Variants in ACACA observed in about 807,000 individuals in gnomAD.
ACACA encodes the protein acetyl-CoA carboxylase alpha, also known as acetyl-CoA carboxylase 1.
Under a neutral mutation model 296.1 loss-of-function variants are expected in ACACA, and 103 were observed. The observed-to-expected ratio is 0.35, with a 90% confidence interval of 0.30 to 0.41. ACACA has a LOEUF of 0.41. ACACA is among the 10% of genes least tolerant of loss of function. The pLI, the probability that ACACA is intolerant of heterozygous loss-of-function variation, is 1.00. For synonymous variants in ACACA, 953 were observed against 1,038.6 expected (o/e 0.92, Z 1.58); for missense variants, 1,554 against 2,989.7 (o/e 0.52, Z 11.20).
chr17:37,391,050 C>T (rs1051223412), intron 1 of ACACA, among the ~76,000 whole-genome samples: 2 of 151,886 alleles, frequency 1.3e-5, no homozygotes, highest in African/African-American at 2.4e-5. Flanking sequence ...ACCAGCCTGA[C>T]CAACAAGGTG....
chr17:37,109,976 T>C (rs985303335), intron 52 of ACACA, among the ~76,000 whole-genome samples: 1 of 152,108 alleles, frequency 6.6e-6, no homozygotes, highest in Non-Finnish European at 1.5e-5. Flanking sequence ...TGCGGCTTGT[T>C]TGTGGCAAAT....
rs1340922159 is a variant in ACACA, at chr17:37,331,100, T to TTTAA, written c.86-676_86-675insTTAA. 1.5e-4 allele frequency among the ~76,000 whole-genome samples: 22 copies of TTTAA among 141,994 alleles called. No homozygotes were observed. In the East Asian group the frequency reaches 3.8e-3, roughly 24 times the overall value. The allele number at this position is 141,994 out of a possible 152,430, so 93.2% of individuals were successfully genotyped here. ...TAATTCTATTTTTATTTTTCATTTATTTATTTATTTATTTATTTATTTATT... is the reference window on the plus strand; with the variant it reads ...TAATTCTATTTTTATTTTTCATTTATTTAATTATTTATTTATTTATTTATTTATT... On this transcript the variant is annotated intron_variant, in intron 2 of 55. Transcript: ENST00000616317.
chr17:37,244,081 G>A (rs946670536), intron 21 of ACACA, among the ~76,000 whole-genome samples: 10 of 151,988 alleles, frequency 6.6e-5, no homozygotes, highest in Admixed American at 1.3e-4. Context: ...GACTAATCAC[G>A]GGCGGGCACA....
chr17:37,181,075 G>T, intron 40 of ACACA, 126 bp downstream of exon 40: 1 of 1,013,936 alleles, frequency 9.9e-7, no homozygotes, highest in Non-Finnish European at 1.5e-6. Context: ...AAATAGAAAT[G>T]AAAACAGTGT....
chr17:37,164,947 T>G (rs1299652027), intron 41 of ACACA, among the ~76,000 whole-genome samples: 1 of 152,186 alleles, frequency 6.6e-6, no homozygotes, highest in Non-Finnish European at 1.5e-5. Context: ...TTATCTTTCA[T>G]TACTACCTGG....
chr17:37,141,191 A>T (rs1567712827), intron 45 of ACACA: 9 of 552,108 alleles, frequency 1.6e-5, no homozygotes, highest in Non-Finnish European at 2.4e-5. Flanking sequence ...GTCCCCACGA[A>T]AAAGTTAGTG....
chr17:37,388,625 C>G (rs2050654112), intron 1 of ACACA: 6 of 1,584,926 alleles, frequency 3.8e-6, no homozygotes, highest in Non-Finnish European at 5.2e-6. Context: ...TCTTTCCTCT[C>G]TCAAATTTTC....
Position 37,206,789 on chromosome 17 carries a change from C to G in ACACA, c.3942G>C (p.Glu1314Asp), listed in dbSNP as rs1309246891. Residue 1314 changes from glutamate (E) to aspartate (D), a missense_variant, in exon 32 of 56, where the codon GAG (glutamate) becomes GAC (aspartate). Glu to Asp is a conservative substitution (Grantham distance 45, BLOSUM62 2). Transcript: ENST00000616317. Reference sequence around the variant, plus strand: ...CCCAAAAGGGACATTATACCTTATCCTCATCATAAAGAGACGTGTGACCTG... The same window carrying G: ...CCCAAAAGGGACATTATACCTTATCGTCATCATAAAGAGACGTGTGACCTG... ...PEAGHTSLYD[E>D]DKVPRDEPIH... 6.2e-7 allele frequency: 1 copy of G among 1,607,596 alleles called. No homozygotes were observed. Among genetic ancestry groups the G allele is most frequent in the Non-Finnish European group, 8.5e-7 (1 of 1,174,248 alleles).
chr17:37,256,324 T>C lies in ACACA; in HGVS notation c.1826+1379A>G, dbSNP rs142711397. On this transcript the variant is annotated intron_variant, in intron 14 of 55. Coordinates refer to ENST00000616317, the MANE Select transcript of ACACA (RefSeq NM_198834.3). ...TGCTTAAAAGGCAACTTCATACCAA[T>C]GTTTTTTTCTGGTAGCAGTGTTTTA... Among the ~76,000 whole-genome samples the C allele has an allele frequency of 7.9e-4, 120 of 152,342 alleles. 2 individuals are homozygous for C. The highest frequency in any genetic ancestry group is 8.8e-5 in the Non-Finnish European group (6 of 68,036).
intron 1 of ACACA, among the ~76,000 whole-genome samples, chr17:37,365,012 T>G (rs1568059097): frequency 6.6e-6 from 1 of 152,056 alleles, no homozygotes; most frequent in South Asian, 2.1e-4. Context: ...TCGCTCTGTC[T>G]CCCAGGCTGT....
chr17:37,187,094 A>C (rs2077566958), intron 39 of ACACA, among the ~76,000 whole-genome samples: 1 of 152,114 alleles, frequency 6.6e-6, no homozygotes, highest in Non-Finnish European at 1.5e-5. Flanking sequence ...AACATCAAAT[A>C]CAGCAAAAAA....
intron 45 of ACACA, among the ~76,000 whole-genome samples, chr17:37,137,505 T>C (rs1233408598): frequency 6.6e-6 from 1 of 152,210 alleles, no homozygotes; most frequent in Non-Finnish European, 1.5e-5. Flanking sequence ...TGCCACAGCA[T>C]AAGAACAGCT....
At chr17:37,184,623 G>A (rs950127281) in intron 39 of ACACA, among the ~76,000 whole-genome samples, 2 of 152,104 alleles carry the variant, frequency 1.3e-5, no homozygotes, top group African/African-American at 4.8e-5. Context: ...GCCAAGGTGG[G>A]AGGGTCCCAT....
chr17:37,260,249 CATATATATATATATATATATATAT>C (rs1172232844), intron 11 of ACACA, among the ~76,000 whole-genome samples: 3 of 30,512 alleles, frequency 9.8e-5, no homozygotes, highest in Admixed American at 6.4e-4. Flanking sequence ...ACTCCCAAGT[CATATATATATATATATATATATAT>C]ATATATATAT....
intron 3 of ACACA, among the ~76,000 whole-genome samples, chr17:37,319,376 T>TA (rs985015405): frequency 3.9e-5 from 6 of 152,044 alleles, no homozygotes; most frequent in African/African-American, 1.2e-4. Flanking sequence ...CTCATTTTAG[T>TA]AAAAAAATAT....
intron 48 of ACACA, 121 bp from the exon 49 acceptor site, chr17:37,122,748 GA>G: frequency 1.2e-6 from 1 of 816,924 alleles, no homozygotes; most frequent in Non-Finnish European, 2.1e-6. Context: ...GAGAGCAGGG[GA>G]AATCTGATTC....
intron 1 of ACACA, among the ~76,000 whole-genome samples, chr17:37,342,359 G>C (rs780185792): frequency 3.5e-5 from 4 of 114,530 alleles, no homozygotes; most frequent in Non-Finnish European, 4.8e-5. Context: ...AGTGAGCCAA[G>C]AATGCACCAC....
chr17:37,373,158 C>A (rs747670465), intron 1 of ACACA, among the ~76,000 whole-genome samples: 1 of 152,062 alleles, frequency 6.6e-6, no homozygotes, highest in South Asian at 2.1e-4. Flanking sequence ...GGATTATGGG[C>A]GTGAGCCACG....
At chr17:37,379,662 A>G (rs1309102057) in intron 1 of ACACA, among the ~76,000 whole-genome samples, 1 of 152,048 alleles carries the variant, frequency 6.6e-6, no homozygotes, top group Admixed American at 6.6e-5. Flanking sequence ...CAGCCAAAAA[A>G]CACATGAAAA....
Sources: gnomAD v4.1 joint callset for allele counts (sites outside exome capture counted in the v4.1 genomes callset) on GRCh38, gnomAD v4.1.1 for gene constraint, MANE v1.5 for transcripts, NCBI Gene and HGNC (gene_info 2026-07-23, HGNC 2026-07-21) for gene names.